The following HCRTR2 variants were observed in gnomAD, a reference collection of about 807,000 sequenced individuals.
The protein encoded by HCRTR2 is hypocretin receptor 2, also known as orexin receptor type 2.
In HCRTR2, 22 loss-of-function variants were observed where a neutral mutation model predicts 49.0. The observed-to-expected ratio is 0.45, with a 90% CI of 0.32 to 0.64. The LOEUF (loss-of-function observed/expected upper bound fraction) is 0.64, where lower values mean the gene tolerates loss of function less well. HCRTR2 is among the 30% of genes least tolerant of loss of function. The pLI, the probability that HCRTR2 is intolerant of heterozygous loss-of-function variation, is 0.04. For missense variants in HCRTR2, 491 were observed against 559.4 expected (o/e 0.88, Z 1.23); for synonymous variants, 236 against 205.3 (o/e 1.15, Z -1.28).
At chr6:55,267,395 T>C (rs536102075) in intron 4 of HCRTR2, among the ~76,000 whole-genome samples, 8 of 142,412 alleles carry the variant, frequency 5.6e-5, no homozygotes, top group African/African-American at 2.0e-4. Flanking sequence ...TTAAATTCTC[T>C]CTCTCTCTGT....
intron 1 of HCRTR2, among the ~76,000 whole-genome samples, chr6:55,116,227 A>G (rs1764114159): frequency 1.3e-5 from 2 of 151,728 alleles, no homozygotes; most frequent in South Asian, 2.1e-4. Context: ...ATGGCCAGTA[A>G]AACAGATAGA....
chr6:55,271,392 T>A (rs540819770), intron 4 of HCRTR2, among the ~76,000 whole-genome samples: 20 of 152,110 alleles, frequency 1.3e-4, no homozygotes, highest in Non-Finnish European at 2.2e-4. Flanking sequence ...AAAACTTAAC[T>A]CAAAATGAAT....
Position 55,220,623 on chromosome 6 carries a change from A to G in HCRTR2, c.224-28016A>G, listed in dbSNP as rs371106437. Among the ~76,000 whole-genome samples the G allele has an allele frequency of 9.7e-4, 148 of 152,294 alleles. 5 individuals carry two copies. The South Asian group carries it at 0.025, about 25-fold the overall frequency. ...CATCATACTCAATGGTAAAAACTGA[A>G]AGCTTTTCCTCCAAGATCAGGAACT... is the stretch of plus-strand genomic sequence containing the variant. On this transcript the variant is annotated intron_variant, in intron 1 of 6. Transcript: ENST00000370862.
chr6:55,135,329 G>C (rs1764418826), intron 1 of HCRTR2, among the ~76,000 whole-genome samples: 1 of 152,036 alleles, frequency 6.6e-6, no homozygotes, highest in African/African-American at 2.4e-5. Context: ...CCCATAATTA[G>C]TTCACCTAAA....
In HCRTR2 at chr6:55,251,519, A is replaced by AT. The variant is rs138158402; in HGVS notation, c.402+2710dup. Among the ~76,000 whole-genome samples, 1,500 of 151,980 alleles carry AT rather than the reference A, an allele frequency of 9.9e-3. 27 individuals are homozygous for AT. The highest frequency in any genetic ancestry group is 0.033 in the African/African-American group (1,375 of 41,494). On this transcript the variant is annotated intron_variant, in intron 2 of 6. Transcript: ENST00000370862. ...GAGCATTGGTTACTTTTTCAGAGTG[A>AT]TTTTTTTTAACTGCAGAAGACGCCC...
At chr6:55,129,672 A>C (rs1434082494) in intron 1 of HCRTR2, among the ~76,000 whole-genome samples, 1 of 151,868 alleles carries the variant, frequency 6.6e-6, no homozygotes, top group African/African-American at 2.4e-5. Flanking sequence ...ACTAGCATCT[A>C]GTCTGGATAA....
intron 1 of HCRTR2, among the ~76,000 whole-genome samples, chr6:55,208,396 G>C (rs187867951): frequency 1.8e-4 from 28 of 151,944 alleles, no homozygotes; most frequent in Non-Finnish European, 4.0e-4. Flanking sequence ...GGAGGCTGAG[G>C]TGAGAGAATC....
intron 1 of HCRTR2, among the ~76,000 whole-genome samples, chr6:55,134,453 T>C (rs1169226164): frequency 6.6e-6 from 1 of 151,816 alleles, no homozygotes; most frequent in Admixed American, 6.6e-5. Context: ...ATAGGTACCA[T>C]TTGTGTGTGT....
upstream of HCRTR2, among the ~76,000 whole-genome samples, chr6:55,172,686 C>A (rs9382460): frequency 0.18 from 27,170 of 152,096 alleles, 2,574 homozygotes; most frequent in East Asian, 0.28. Context: ...TTTCGTAAAT[C>A]ATCTAATTTC....
chr6:55,155,157 C>G (rs1366674470), intron 1 of HCRTR2, among the ~76,000 whole-genome samples: 2 of 151,438 alleles, frequency 1.3e-5, no homozygotes, highest in African/African-American at 4.8e-5. Flanking sequence ...CCCAAAACAA[C>G]CTGTAGAGTC....
At chr6:55,135,816 C>A (rs1764426250) in intron 1 of HCRTR2, among the ~76,000 whole-genome samples, 1 of 152,138 alleles carries the variant, frequency 6.6e-6, no homozygotes, top group Non-Finnish European at 1.5e-5. Flanking sequence ...TTTCAGAAAG[C>A]CCACTTTTAA....
In HCRTR2 at chr6:55,263,968, T is replaced by A. The variant is rs747118232; in HGVS notation, c.762+146T>A. On this transcript the variant is annotated intron_variant, in intron 4 of 6. Coordinates refer to ENST00000370862, the MANE Select transcript of HCRTR2 (RefSeq NM_001384272.1). ...GAATGCATTGAACCAATATAACATG[T>A]TCATAAAAGTATTATATTGTGTGTT... 12 of 673,366 alleles carry A rather than the reference T, an allele frequency of 1.8e-5. No individual in the cohort carries two copies. In the African/African-American group the frequency reaches 1.8e-4, roughly 10 times the overall value. 41.7% of individuals were successfully genotyped at this position (673,366 alleles called of 1,614,324 possible). A position where few individuals can be genotyped will look rare whatever the true frequency, so the allele number is the denominator to read the frequency against.
intron 1 of HCRTR2, among the ~76,000 whole-genome samples, chr6:55,198,126 A>C (rs1765450758): frequency 6.6e-6 from 1 of 152,164 alleles, no homozygotes. Context: ...ACGAAACTAC[A>C]TGTAGCACTA....
At chr6:55,192,398 C>G (rs1238891848) in intron 1 of HCRTR2, among the ~76,000 whole-genome samples, 2 of 78,382 alleles carry the variant, frequency 2.6e-5, no homozygotes, top group Non-Finnish European at 4.9e-5. Context: ...TAAACACACA[C>G]ACACGCGCGC....
chr6:55,217,785 T>C lies in HCRTR2; in HGVS notation c.224-30854T>C, dbSNP rs571621980. Among the ~76,000 whole-genome samples, 16 of 152,324 alleles carry C rather than the reference T, an allele frequency of 1.1e-4. No individual in the cohort carries two copies. In the East Asian group the frequency reaches 1.5e-3, roughly 15 times the overall value. On this transcript the variant is annotated intron_variant, in intron 1 of 6. Transcript: ENST00000370862. ...CCTTAACACTCTATTTACAGCAATA[T>C]AAGATTTTTTTTGCCTGCTCCTCCA...
intron 1 of HCRTR2, among the ~76,000 whole-genome samples, chr6:55,141,136 C>T (rs1326160706): frequency 1.3e-5 from 2 of 150,268 alleles, no homozygotes; most frequent in Non-Finnish European, 3.0e-5. Context: ...AGATCGAGAC[C>T]ATCCTGGCTA....
At chr6:55,175,631 T>G (rs544744132) in intron 1 of HCRTR2, among the ~76,000 whole-genome samples, 50 of 152,258 alleles carry the variant, frequency 3.3e-4, no homozygotes, top group African/African-American at 1.1e-3. Context: ...GCTAGGCTAT[T>G]TGTCCCGGTC....
intron 1 of HCRTR2, among the ~76,000 whole-genome samples, chr6:55,229,514 A>C (rs1360455508): frequency 6.6e-6 from 1 of 152,206 alleles, no homozygotes; most frequent in Non-Finnish European, 1.5e-5. Flanking sequence ...ATGGGTAAAG[A>C]AAATATGGTC....
intron 1 of HCRTR2, among the ~76,000 whole-genome samples, chr6:55,132,251 T>C (rs1764368758): frequency 6.6e-6 from 1 of 151,854 alleles, no homozygotes; most frequent in South Asian, 2.1e-4. Context: ...AGGGCAATCA[T>C]TGTGTCTCCT....
Sources: gnomAD v4.1 joint callset for allele counts (sites outside exome capture counted in the v4.1 genomes callset) on GRCh38, gnomAD v4.1.1 for gene constraint, MANE v1.5 for transcripts, NCBI Gene and HGNC (gene_info 2026-07-23, HGNC 2026-07-21) for gene names.